SLC35E1: variants seen among roughly 807,000 people sequenced by gnomAD.
SLC35E1 encodes the protein solute carrier family 35, member E1.
Under a neutral mutation model 31.0 loss-of-function variants are expected in SLC35E1, and 12 were observed. The observed-to-expected ratio is 0.39, with a 90% CI of 0.25 to 0.63. The LOEUF is 0.63. Among genes scored for constraint, SLC35E1 ranks in the 20% least tolerant of loss-of-function variants. The pLI is 0.52. For missense variants in SLC35E1, 429 were observed against 572.2 expected (o/e 0.75, Z 2.55); for synonymous variants, 257 against 264.1 (o/e 0.97, Z 0.26).
At chr19:16,564,708 C>A (rs892110853) in intron 4 of SLC35E1, among the ~76,000 whole-genome samples, 3 of 152,128 alleles carry the variant, frequency 2.0e-5, no homozygotes, top group Non-Finnish European at 4.4e-5. Context: ...CCTTCCCTAC[C>A]CCCAAACAAA....
rs536519925 is a variant in SLC35E1, at chr19:16,551,199, T to C, written c.*2480A>G. 4.0e-4 allele frequency: 61 copies of C among 152,234 alleles called. No individual in the cohort carries two copies. The highest frequency in any genetic ancestry group is 1.4e-3 in the African/African-American group (59 of 41,556). The allele number at this position is 152,234 out of a possible 1,614,324, so 9.4% of individuals were successfully genotyped here. Reference sequence around the variant, plus strand: ...AAGTTCTTCTGACAAATAACACCCTTTGGGATTGACTCTTCACGTTTTACA... The same window carrying C: ...AAGTTCTTCTGACAAATAACACCCTCTGGGATTGACTCTTCACGTTTTACA... On this transcript the variant is annotated 3_prime_UTR_variant, in exon 6 of 6. Transcript: ENST00000595753.
In SLC35E1 at chr19:16,566,342, C is replaced by T. The variant is rs535145497; in HGVS notation, c.756+190G>A. 7 of 707,278 alleles carry T rather than the reference C, an allele frequency of 9.9e-6. No homozygotes were observed. The South Asian group carries it at 9.9e-5, about 10-fold the overall frequency. 43.8% of individuals were successfully genotyped at this position (707,278 alleles called of 1,614,324 possible). A position where few individuals can be genotyped will look rare whatever the true frequency, so the allele number is the denominator to read the frequency against. On this transcript the variant is annotated intron_variant, in intron 4 of 5. Coordinates refer to ENST00000595753, the MANE Select transcript of SLC35E1 (RefSeq NM_024881.5). ...CAAGCACACCAGAGAAGGAAATACA[C>T]AGGAAACCCACTTCCTCGATGGCGT...
chr19:16,561,500 C>T (rs548451865), intron 4 of SLC35E1, among the ~76,000 whole-genome samples: 4 of 152,270 alleles, frequency 2.6e-5, no homozygotes, highest in East Asian at 1.9e-4. Flanking sequence ...ATTTATTTCT[C>T]GGTTCTCAAG....
At chr19:16,565,084 C>T (rs1424551189) in intron 4 of SLC35E1, 1 of 455,714 alleles carries the variant, frequency 2.2e-6, no homozygotes, top group Non-Finnish European at 4.4e-6. Context: ...GCCTCCTCCT[C>T]ACCGCAGGCA....
chr19:16,571,709 G>A (rs1311854575), intron 1 of SLC35E1, 127 bp from the exon 2 acceptor site: 5 of 1,070,080 alleles, frequency 4.7e-6, no homozygotes, highest in African/African-American at 3.1e-5. Context: ...CTTTCGGTAG[G>A]GCTTCCTCCT....
At chr19:16,567,840 C>T (rs1488135356) in intron 3 of SLC35E1, among the ~76,000 whole-genome samples, 192 bp downstream of exon 3, 1 of 152,220 alleles carries the variant, frequency 6.6e-6, no homozygotes, top group Non-Finnish European at 1.5e-5. Flanking sequence ...AGGCATGAGC[C>T]ACTGCGCCCG....
In SLC35E1 at chr19:16,557,801, T is replaced by C. The variant is rs948971453; in HGVS notation, c.757-2404A>G. 4.6e-5 allele frequency among the ~76,000 whole-genome samples: 7 copies of C among 152,170 alleles called. No individual in the cohort carries two copies. In the South Asian group the frequency reaches 6.2e-4, roughly 14 times the overall value. The stretch of plus-strand genomic sequence containing the variant: ...ATGCTCCACTGTGTGTAACATTCCA[T>C]GTACTGAAGTTTTTTGTTTTGTTTT... On this transcript the variant is annotated intron_variant, in intron 4 of 5. Coordinates refer to ENST00000595753, the MANE Select transcript of SLC35E1 (RefSeq NM_024881.5).
chr19:16,569,833 G>C (rs2085949074), intron 2 of SLC35E1, among the ~76,000 whole-genome samples: 1 of 152,206 alleles, frequency 6.6e-6, no homozygotes, highest in Non-Finnish European at 1.5e-5. Context: ...AACAGAGGGA[G>C]ACTCCGTCTC....
At position 16,549,981 on chromosome 19, in the gene SLC35E1, A is replaced by C. The variant is rs926592779; in HGVS notation, c.*3698T>G. 6.6e-6 allele frequency: 1 copy of C among 152,164 alleles called. No homozygotes were observed. Among genetic ancestry groups the C allele is most frequent in the Non-Finnish European group, 1.5e-5 (1 of 68,030 alleles). The allele number at this position is 152,164 out of a possible 1,614,324, so 9.4% of individuals were successfully genotyped here. On this transcript the variant is annotated 3_prime_UTR_variant, in exon 6 of 6. Coordinates refer to ENST00000595753, the MANE Select transcript of SLC35E1 (RefSeq NM_024881.5). ...ATATTTTCAGGTCTTTTAATAATTC[A>C]ATGCTCTGTGTCCTTCAGGCTGTGA...
At chr19:16,568,487 G>T (rs1333904384) in intron 2 of SLC35E1, among the ~76,000 whole-genome samples, 1 of 152,206 alleles carries the variant, frequency 6.6e-6, no homozygotes, top group Admixed American at 6.5e-5. Flanking sequence ...ACGCACCAGG[G>T]TTTGAAGCCC....
intron 4 of SLC35E1, among the ~76,000 whole-genome samples, chr19:16,557,434 C>A (rs550378969): frequency 6.6e-6 from 1 of 152,208 alleles, no homozygotes; most frequent in East Asian, 1.9e-4. Context: ...ACCTCGTGAT[C>A]CACCTGCCTC....
At chr19:16,563,687 G>A (rs2085918484) in intron 4 of SLC35E1, among the ~76,000 whole-genome samples, 1 of 152,064 alleles carries the variant, frequency 6.6e-6, no homozygotes, top group South Asian at 2.1e-4. Flanking sequence ...CCCCACGTTG[G>A]CCAGGCTGGT....
At chr19:16,566,438 C>T (rs1007653976) in intron 4 of SLC35E1, 94 bp downstream of exon 4, 15 of 1,558,284 alleles carry the variant, frequency 9.6e-6, no homozygotes, top group Non-Finnish European at 1.2e-5. Flanking sequence ...CCAAAAGATA[C>T]CACAATGTTA....
chr19:16,571,396 C>T lies in SLC35E1; in HGVS notation c.492+116G>A, dbSNP rs79826071. ...ACTGGAGACCTCTACACTGACTTCC[C>T]TATTTGACGGGAAGCCAGGCAGCCT... On this transcript the variant is annotated intron_variant, in intron 2 of 5. Coordinates refer to ENST00000595753, the MANE Select transcript of SLC35E1 (RefSeq NM_024881.5). The T allele has an allele frequency of 9.5e-3, 9,925 of 1,049,198 alleles. 611 individuals are homozygous for T. The African/African-American group carries it at 0.14, about 14-fold the overall frequency. 65.0% of individuals were successfully genotyped at this position (1,049,198 alleles called of 1,614,324 possible).
At chr19:16,557,961 CCG>C (rs1175756723) in intron 4 of SLC35E1, among the ~76,000 whole-genome samples, 1 of 152,106 alleles carries the variant, frequency 6.6e-6, no homozygotes, top group African/African-American at 2.4e-5. Flanking sequence ...CTACAGGCGC[CCG>C]CCACCATGCC....
chr19:16,566,604 G>A lies in SLC35E1; in HGVS notation c.684C>T (p.Cys228=), dbSNP rs746733338. The A allele has an allele frequency of 1.9e-6, 3 of 1,612,552 alleles. No homozygotes were observed. In the African/African-American group the frequency reaches 4.0e-5, roughly 22 times the overall value. Residue 228 remains cysteine (C), a synonymous_variant, in exon 4 of 6, where the codon TGC becomes TGT. Coordinates refer to ENST00000595753, the MANE Select transcript of SLC35E1 (RefSeq NM_024881.5). ...TGGGGATCATAAAGAAGACGGCGTGGCAGCCCAGGATGTTGAGCAGCCGGA... is the reference window on the plus strand; with the variant it reads ...TGGGGATCATAAAGAAGACGGCGTGACAGCCCAGGATGTTGAGCAGCCGGA... ...HHLRLLNILG[C]HAVFFMIPTW... is the part of the protein sequence containing the mutation.
At chr19:16,569,181 C>G (rs189230424) in intron 2 of SLC35E1, among the ~76,000 whole-genome samples, 16 of 152,166 alleles carry the variant, frequency 1.1e-4, no homozygotes, top group African/African-American at 3.9e-4. Context: ...CCTACCACCA[C>G]GCCCAACTAA....
intron 4 of SLC35E1, among the ~76,000 whole-genome samples, chr19:16,561,213 C>CAAAAAAAAAAAAAAAAAAAAAAAAA (rs59176175): frequency 1.1e-3 from 28 of 24,744 alleles, no homozygotes; most frequent in South Asian, 1.9e-3. Context: ...GACTCCATCT[C>CAAAAAAAAAAAAAAAAAAAAAAAAA]AAAAAAAAAA....
chr19:16,571,836 A>G (rs2085960329), intron 1 of SLC35E1, 108 bp downstream of exon 1: 2 of 1,231,952 alleles, frequency 1.6e-6, no homozygotes, highest in Admixed American at 5.2e-5. Flanking sequence ...CCCTCTGCTG[A>G]CTTCTCAGTC....
Sources: gnomAD v4.1 joint callset for allele counts (sites outside exome capture counted in the v4.1 genomes callset) on GRCh38, gnomAD v4.1.1 for gene constraint, MANE v1.5 for transcripts, NCBI Gene and HGNC (gene_info 2026-07-23, HGNC 2026-07-21) for gene names.